CPXM2: variants seen among roughly 807,000 people sequenced by gnomAD.
The protein encoded by CPXM2 is carboxypeptidase X, M14 family member 2.
CPXM2 carries 66 observed loss-of-function variants against 86.1 expected under a neutral mutation model. The ratio of observed to expected loss-of-function variants is 0.77; its 90% CI spans 0.63 to 0.94. CPXM2 has a LOEUF of 0.94. Ranked by LOEUF, CPXM2 falls within the 40% of genes least tolerant of loss-of-function variation. The probability of loss-of-function intolerance (pLI) is 0.00; values close to 1 mark genes in which losing one functional copy is unlikely to be tolerated. For missense variants in CPXM2, 948 were observed against 1,026.3 expected (o/e 0.92, Z 1.04); for synonymous variants, 388 against 400.2 (o/e 0.97, Z 0.36).
chr10:123,853,003 T>C (rs1367881804), intron 3 of CPXM2, among the ~76,000 whole-genome samples: 1 of 152,208 alleles, frequency 6.6e-6, no homozygotes, highest in Non-Finnish European at 1.5e-5. Flanking sequence ...CACGTCAAAT[T>C]GTAATTCCCA....
intron 11 of CPXM2, among the ~76,000 whole-genome samples, chr10:123,760,017 C>T (rs931086699): frequency 1.3e-5 from 2 of 152,170 alleles, no homozygotes; most frequent in African/African-American, 4.8e-5. Flanking sequence ...TTTCATTAAT[C>T]TACAATGCAA....
At chr10:123,919,927 G>C (rs930502723) in intron 2 of CPXM2, among the ~76,000 whole-genome samples, 2 of 152,062 alleles carry the variant, frequency 1.3e-5, no homozygotes, top group Non-Finnish European at 2.9e-5. Context: ...GAGGTTCCAG[G>C]CTCTTTTTAA....
At chr10:123,862,875 T>C in intron 2 of CPXM2, 152 bp from the exon 3 acceptor site, 1 of 676,062 alleles carries the variant, frequency 1.5e-6, no homozygotes. Flanking sequence ...GATTGAACTG[T>C]CAACATTAAG....
intron 3 of CPXM2, among the ~76,000 whole-genome samples, chr10:123,844,386 CA>C (rs896651481): frequency 6.0e-5 from 9 of 149,002 alleles, no homozygotes; most frequent in South Asian, 4.3e-4. Context: ...ACTACAATAC[CA>C]AAAAAAAACT....
chr10:123,826,760 C>A (rs550760634), intron 4 of CPXM2, among the ~76,000 whole-genome samples: 1 of 152,074 alleles, frequency 6.6e-6, no homozygotes, highest in Admixed American at 6.5e-5. Context: ...GAAAGCATGC[C>A]AAGAATGCAT....
chr10:123,893,285 T>C (rs1945303138), upstream of CPXM2, among the ~76,000 whole-genome samples: 1 of 151,980 alleles, frequency 6.6e-6, no homozygotes, highest in Admixed American at 6.6e-5. Flanking sequence ...CTGAGCTGAG[T>C]CAGGGCACCA....
At chr10:123,864,421 G>A (rs1848933565) in intron 2 of CPXM2, among the ~76,000 whole-genome samples, 1 of 152,202 alleles carries the variant, frequency 6.6e-6, no homozygotes, top group Admixed American at 6.5e-5. Flanking sequence ...TGGGGAACCA[G>A]GCACAGGTCC....
At chr10:123,935,044 AG>A (rs1009720883) in intron 2 of CPXM2, among the ~76,000 whole-genome samples, 1 of 152,126 alleles carries the variant, frequency 6.6e-6, no homozygotes, top group African/African-American at 2.4e-5. Flanking sequence ...TCCCAGCTCC[AG>A]CGTTGATTAG....
chr10:123,892,772 CTCCT>C (rs1232049041), upstream of CPXM2, among the ~76,000 whole-genome samples: 3 of 152,224 alleles, frequency 2.0e-5, no homozygotes, highest in Non-Finnish European at 4.4e-5. Flanking sequence ...CTGAATTCAG[CTCCT>C]TGCGGTAGTA....
chr10:123,866,603 G>T (rs1375974459), intron 2 of CPXM2, among the ~76,000 whole-genome samples: 3 of 152,070 alleles, frequency 2.0e-5, no homozygotes, highest in East Asian at 1.9e-4. Flanking sequence ...CGACTTGCTT[G>T]TCTGGAGACT....
At chr10:123,794,684 T>C (rs1847286168) in intron 6 of CPXM2, among the ~76,000 whole-genome samples, 1 of 152,182 alleles carries the variant, frequency 6.6e-6, no homozygotes, top group African/African-American at 2.4e-5. Flanking sequence ...CTTTCTTTTA[T>C]TGTTTTTTAT....
intron 2 of CPXM2, among the ~76,000 whole-genome samples, chr10:123,914,925 A>C (rs1467888520): frequency 2.0e-5 from 3 of 152,148 alleles, no homozygotes; most frequent in Non-Finnish European, 4.4e-5. Flanking sequence ...CAGCAGCCAG[A>C]GGGGCCAGCT....
intron 3 of CPXM2, among the ~76,000 whole-genome samples, chr10:123,852,296 C>T (rs1848618908): frequency 6.6e-6 from 1 of 152,128 alleles, no homozygotes; most frequent in South Asian, 2.1e-4. Flanking sequence ...ATCAGAGTTG[C>T]AGGTTAAAAA....
At chr10:123,850,153 A>G (rs979983058) in intron 3 of CPXM2, among the ~76,000 whole-genome samples, 2 of 152,236 alleles carry the variant, frequency 1.3e-5, no homozygotes, top group African/African-American at 2.4e-5. Context: ...TCACTGTAGT[A>G]CATAAAAAAT....
intron 2 of CPXM2, among the ~76,000 whole-genome samples, chr10:123,912,277 C>T (rs571686084): frequency 1.1e-3 from 109 of 102,470 alleles, no homozygotes; most frequent in African/African-American, 3.9e-3. Context: ...ACTCCTAGTG[C>T]GTGTGTGTGT....
chr10:123,809,703 A>G (rs1448252528), intron 4 of CPXM2, among the ~76,000 whole-genome samples: 1 of 151,852 alleles, frequency 6.6e-6, no homozygotes, highest in Non-Finnish European at 1.5e-5. Flanking sequence ...ACACATAGGT[A>G]TCCTATTATT....
intron 7 of CPXM2, among the ~76,000 whole-genome samples, chr10:123,773,524 T>C (rs529897377): frequency 2.0e-5 from 3 of 152,386 alleles, no homozygotes; most frequent in African/African-American, 7.2e-5. Flanking sequence ...CTCAGCCTTT[T>C]ATCTTTTATG....
At chr10:123,883,180 C>G (rs879704932) in intron 1 of CPXM2, among the ~76,000 whole-genome samples, 1 of 152,252 alleles carries the variant, frequency 6.6e-6, no homozygotes, top group Non-Finnish European at 1.5e-5. Flanking sequence ...TCCTACTACA[C>G]TGACAGTGTG....
chr10:123,770,021 C>T (rs1471383698), intron 8 of CPXM2, among the ~76,000 whole-genome samples: 1 of 152,212 alleles, frequency 6.6e-6, no homozygotes, highest in Non-Finnish European at 1.5e-5. Flanking sequence ...CTCCTGTAAT[C>T]CCAGCACTTT....
Sources: allele counts gnomAD v4.1 joint callset (sites outside exome capture counted in the v4.1 genomes callset), GRCh38; gene constraint gnomAD v4.1.1; transcripts MANE v1.5; gene names NCBI Gene and HGNC (gene_info 2026-07-23, HGNC 2026-07-21).